Variants in PHACTR1 observed in about 807,000 individuals in gnomAD.
The protein encoded by PHACTR1 is phosphatase and actin regulator 1, also known as RPEL repeat containing 1.
In PHACTR1, 16 loss-of-function variants were observed where a neutral mutation model predicts 69.2. That is an observed-to-expected ratio of 0.23 (90% CI 0.16 to 0.35). PHACTR1 has a LOEUF of 0.35. Ranked by LOEUF, PHACTR1 falls within the 10% of genes least tolerant of loss-of-function variation. The pLI, the probability that PHACTR1 is intolerant of heterozygous loss-of-function variation, is 1.00. For missense variants in PHACTR1, 510 were observed against 734.7 expected (o/e 0.69, Z 3.54); for synonymous variants, 312 against 284.5 (o/e 1.10, Z -0.97).
At chr6:13,250,365 A>G (rs1050034513) in intron 10 of PHACTR1, among the ~76,000 whole-genome samples, 4 of 152,222 alleles carry the variant, frequency 2.6e-5, no homozygotes, top group African/African-American at 9.7e-5. Flanking sequence ...AAATAATCCC[A>G]TTTACCTTTA....
chr6:13,098,471 C>T (rs1485534966), intron 5 of PHACTR1, among the ~76,000 whole-genome samples: 2 of 152,206 alleles, frequency 1.3e-5, no homozygotes, highest in African/African-American at 4.8e-5. Context: ...TTGGCTTCAA[C>T]TATCATCTAC....
At chr6:13,274,096 G>GAC (rs1778373944) in intron 11 of PHACTR1, 1 of 152,106 alleles carries the variant, frequency 6.6e-6, no homozygotes, top group Non-Finnish European at 1.5e-5. Context: ...TTGGTGGGGA[G>GAC]ACCTGTTGCC....
rs1016412836 is a variant in PHACTR1 at position 13,286,914 on chromosome 6, G to C, written c.1728-149G>C. On this transcript the variant is annotated intron_variant, in intron 14 of 14. Coordinates refer to ENST00000332995, the MANE Select transcript of PHACTR1 (RefSeq NM_030948.6). ...AGATGAAACTTTCAAAGCCAGGTGT[G>C]TGTTCAGTGGTACTCCTGTGGGGAT... The C allele has an allele frequency of 3.9e-6, 3 of 763,102 alleles. No homozygotes were observed. In the Admixed American group the frequency reaches 8.9e-5, roughly 23 times the overall value. 47.3% of individuals were successfully genotyped at this position (763,102 alleles called of 1,614,324 possible).
At chr6:13,252,098 C>T (rs1022301995) in intron 10 of PHACTR1, among the ~76,000 whole-genome samples, 4 of 148,694 alleles carry the variant, frequency 2.7e-5, no homozygotes, top group African/African-American at 9.9e-5. Flanking sequence ...CCAGGAGGCA[C>T]GGTGACTTAT....
chr6:12,855,506 G>A (rs1358852828), intron 4 of PHACTR1, among the ~76,000 whole-genome samples: 2 of 152,192 alleles, frequency 1.3e-5, no homozygotes, highest in Non-Finnish European at 2.9e-5. Context: ...TACTGATGCG[G>A]TTGGAGGCCA....
intron 4 of PHACTR1, among the ~76,000 whole-genome samples, chr6:12,862,547 G>A (rs1454589914): frequency 2.0e-5 from 3 of 152,048 alleles, no homozygotes; most frequent in South Asian, 2.1e-4. Flanking sequence ...TTACAAGCCC[G>A]AGACAAGAGA....
At chr6:12,744,554 T>C (rs1765520428) in intron 3 of PHACTR1, among the ~76,000 whole-genome samples, 1 of 152,124 alleles carries the variant, frequency 6.6e-6, no homozygotes, top group Non-Finnish European at 1.5e-5. Context: ...CATCCCTTCA[T>C]GTTTCGTAAG....
chr6:12,857,906 T>C (rs921590074), intron 4 of PHACTR1, among the ~76,000 whole-genome samples: 2 of 152,174 alleles, frequency 1.3e-5, no homozygotes, highest in African/African-American at 4.8e-5. Flanking sequence ...AAGTCGGGAA[T>C]TTACCACTTA....
At chr6:13,022,973 C>T (rs1380320488) in intron 4 of PHACTR1, among the ~76,000 whole-genome samples, 2 of 152,042 alleles carry the variant, frequency 1.3e-5, no homozygotes, top group East Asian at 3.9e-4. Flanking sequence ...GCTGAGATCA[C>T]ACCACTGCAC....
At chr6:13,209,252 G>A (rs1766424822) in intron 8 of PHACTR1, among the ~76,000 whole-genome samples, 1 of 152,056 alleles carries the variant, frequency 6.6e-6, no homozygotes, top group South Asian at 2.1e-4. Context: ...TGTCTTGGGT[G>A]ATTTCCCCCT....
intron 10 of PHACTR1, among the ~76,000 whole-genome samples, chr6:13,243,418 C>A (rs1773139650): frequency 6.6e-6 from 1 of 152,136 alleles, no homozygotes. Context: ...TGATTTAAAT[C>A]ATTTTATGAA....
chr6:12,943,286 A>G (rs1055170896), intron 4 of PHACTR1, among the ~76,000 whole-genome samples: 18 of 152,242 alleles, frequency 1.2e-4, no homozygotes, highest in African/African-American at 4.1e-4. Context: ...TTCCATTTAC[A>G]TGAAATGTCC....
At chr6:13,087,088 G>T (rs1812439058) in intron 5 of PHACTR1, among the ~76,000 whole-genome samples, 1 of 148,624 alleles carries the variant, frequency 6.7e-6, no homozygotes, top group African/African-American at 2.5e-5. Flanking sequence ...AAACTGAACT[G>T]TTCATTTTCT....
chr6:13,228,957 G>A (rs369882292), intron 9 of PHACTR1, among the ~76,000 whole-genome samples: 4 of 152,206 alleles, frequency 2.6e-5, no homozygotes, highest in South Asian at 4.1e-4. Flanking sequence ...GCCTGCTGGC[G>A]TTTTCTCTCG....
chr6:13,067,482 C>T (rs893287411), intron 5 of PHACTR1, among the ~76,000 whole-genome samples: 24 of 152,110 alleles, frequency 1.6e-4, no homozygotes, highest in African/African-American at 5.6e-4. Flanking sequence ...AAGAGAAGCT[C>T]ATCAATAAAA....
chr6:12,944,783 A>ATTTTTTTTTTTT (rs201376090), intron 4 of PHACTR1, among the ~76,000 whole-genome samples: 1 of 119,296 alleles, frequency 8.4e-6, no homozygotes, highest in African/African-American at 3.4e-5. Context: ...ATTTATTTTT[A>ATTTTTTTTTTTT]TTTATTTTTT....
intron 4 of PHACTR1, among the ~76,000 whole-genome samples, chr6:12,826,112 A>G (rs1328177377): frequency 2.0e-5 from 3 of 152,230 alleles, no homozygotes; most frequent in African/African-American, 7.2e-5. Flanking sequence ...GCTAACTCCA[A>G]AAATGCAGAC....
intron 4 of PHACTR1, among the ~76,000 whole-genome samples, chr6:12,895,829 C>A (rs189104229): frequency 2.0e-5 from 3 of 152,288 alleles, no homozygotes; most frequent in Non-Finnish European, 4.4e-5. Context: ...CTGGGTAGGT[C>A]TCACCCACAA....
At chr6:13,076,347 C>T (rs1235675071) in intron 5 of PHACTR1, among the ~76,000 whole-genome samples, 1 of 152,030 alleles carries the variant, frequency 6.6e-6, no homozygotes, top group Non-Finnish European at 1.5e-5. Context: ...TAATTATTTC[C>T]CAGGGAAATG....
Sources: allele counts gnomAD v4.1 joint callset (sites outside exome capture counted in the v4.1 genomes callset), GRCh38; gene constraint gnomAD v4.1.1; transcripts MANE v1.5; gene names NCBI Gene and HGNC (gene_info 2026-07-23, HGNC 2026-07-21).